Variants in AOPEP observed in about 807,000 individuals in gnomAD.
AOPEP encodes aminopeptidase O (putative).
A neutral mutation model predicts 98.1 loss-of-function variants in AOPEP; 77 were observed. The ratio of observed to expected loss-of-function variants is 0.78; its 90% CI spans 0.65 to 0.95. The LOEUF is 0.95. Ranked by LOEUF, AOPEP falls within the 40% of genes least tolerant of loss-of-function variation. The probability of loss-of-function intolerance (pLI) is 0.00; values close to 1 mark genes in which losing one functional copy is unlikely to be tolerated. For missense variants in AOPEP, 1,024 were observed against 1,024.7 expected, an observed-to-expected ratio of 1.00 and a Z score of 0.01; for synonymous variants, 346 against 365.3, an observed-to-expected ratio of 0.95 and a Z score of 0.60.
At chr9:95,098,191 T>A in the AOPEP span, among the ~76,000 whole-genome samples, 1 of 152,114 alleles carries the variant, frequency 6.6e-6, no homozygotes, top group African/African-American at 2.4e-5. Context: ...CCAGGCTCGG[T>A]TTTGACTTCC....
Position 94,760,501 on chromosome 9 carries a change from T to G in AOPEP, c.718T>G (p.Phe240Val), listed in dbSNP as rs1350847805. 6.2e-7 allele frequency: 1 copy of G among 1,609,120 alleles called. No homozygotes were observed. The highest frequency in any genetic ancestry group is 1.1e-5 in the South Asian group (1 of 90,146). ...RKTGAQTATDFPHAIRIWYKT... is the reference protein window; with the variant it reads ...RKTGAQTATDVPHAIRIWYKT... ...GACAGGGGCTCAGACAGCTACTGAC[T>G]TTCCTCATGCTATCAGGATATGGTA... The change falls in exon 2 of 17, where the codon TTT becomes GTT. Residue 240 changes from phenylalanine to valine, a missense_variant. Phe to Val is a conservative substitution (Grantham distance 50). This residue lies in a region of AOPEP where 440 missense variants were observed against 433.8 expected (regional missense o/e 1.01). Transcript: ENST00000375315.
intron 1 of AOPEP, among the ~76,000 whole-genome samples, chr9:94,758,917 C>T (rs950297363): frequency 9.5e-5 from 12 of 126,770 alleles, no homozygotes; most frequent in Non-Finnish European, 1.4e-4. Context: ...TAGGTATTTG[C>T]CTGCCTTTTT....
the AOPEP span, chr9:95,145,367 CTTCA>C: frequency 6.6e-6 from 1 of 152,184 alleles, no homozygotes; most frequent in African/African-American, 2.4e-5. Context: ...ACAACACTCC[CTTCA>C]GATCACAAAA....
chr9:94,901,495 TG>T (rs2050398499), intron 5 of AOPEP, among the ~76,000 whole-genome samples: 1 of 152,048 alleles, frequency 6.6e-6, no homozygotes, highest in Non-Finnish European at 1.5e-5. Context: ...CTCTCCTGAT[TG>T]TCGGATTAAC....
rs537903872 is a variant in AOPEP, at chr9:94,768,763, A to G, written c.798-4239A>G. Reference sequence around the variant, plus strand: ...ATCTGGGCTCCCCAAGGAGTCTTCCATACAATTGGGTATTCCAGGGCATGT... The same window carrying G: ...ATCTGGGCTCCCCAAGGAGTCTTCCGTACAATTGGGTATTCCAGGGCATGT... On this transcript the variant is annotated intron_variant, in intron 2 of 16. Transcript: ENST00000375315. Among the ~76,000 whole-genome samples the G allele has an allele frequency of 7.9e-5, 12 of 152,300 alleles. No individual in the cohort carries two copies. In the East Asian group the frequency reaches 1.5e-3, roughly 20 times the overall value.
intron 3 of AOPEP, among the ~76,000 whole-genome samples, chr9:94,792,012 T>C (rs1277164424): frequency 6.6e-6 from 1 of 152,230 alleles, no homozygotes; most frequent in Non-Finnish European, 1.5e-5. Context: ...CATTCATTCC[T>C]TTGATAAAAA....
At chr9:94,974,159 T>G (rs2059697818) in intron 10 of AOPEP, among the ~76,000 whole-genome samples, 3 of 152,254 alleles carry the variant, frequency 2.0e-5, no homozygotes, top group Admixed American at 1.3e-4. Context: ...TGTCCTATGG[T>G]GTCCCATGAT....
intron 4 of AOPEP, among the ~76,000 whole-genome samples, chr9:94,798,294 A>G (rs367592720): frequency 2.0e-4 from 31 of 152,174 alleles, no homozygotes; most frequent in Admixed American, 1.7e-3. Context: ...TTTGATTACA[A>G]TGGTACTAAT....
chr9:95,124,932 T>C, the AOPEP span, among the ~76,000 whole-genome samples: 2 of 152,238 alleles, frequency 1.3e-5, no homozygotes, highest in Non-Finnish European at 2.9e-5. Flanking sequence ...TAAGTTAAAA[T>C]GGCTTAACCT....
intron 5 of AOPEP, among the ~76,000 whole-genome samples, chr9:94,894,002 T>G (rs1367741066): frequency 6.6e-6 from 1 of 152,136 alleles, no homozygotes; most frequent in East Asian, 1.9e-4. Context: ...GAAGAACAAT[T>G]TATCCCTCTT....
chr9:94,745,050 A>G (rs1834147340), intron 1 of AOPEP, among the ~76,000 whole-genome samples: 1 of 152,170 alleles, frequency 6.6e-6, no homozygotes, highest in Admixed American at 6.5e-5. Context: ...CATCACCTCA[A>G]GCATTGATTA....
At chr9:94,966,647 C>T (rs1464698607) in intron 9 of AOPEP, among the ~76,000 whole-genome samples, 1 of 152,096 alleles carries the variant, frequency 6.6e-6, no homozygotes, top group African/African-American at 2.4e-5. Context: ...CTTATTAAAT[C>T]TTCAGATGAG....
intron 5 of AOPEP, among the ~76,000 whole-genome samples, chr9:94,895,234 T>TAA (rs1188345681): frequency 0.11 from 3,890 of 36,330 alleles, 64 homozygotes; most frequent in Non-Finnish European, 0.21. Context: ...AAAAATAAAA[T>TAA]AAAATAAAAA....
At chr9:94,954,763 A>G (rs1300255767) in intron 7 of AOPEP, among the ~76,000 whole-genome samples, 8 of 152,342 alleles carry the variant, frequency 5.3e-5, no homozygotes, top group Non-Finnish European at 1.0e-4. Flanking sequence ...ACTAAGTGCA[A>G]ATCCAGAGAA....
chr9:94,798,628 G>A (rs1847553679), intron 4 of AOPEP, among the ~76,000 whole-genome samples: 1 of 152,078 alleles, frequency 6.6e-6, no homozygotes, highest in African/African-American at 2.4e-5. Context: ...TTAAGCTTAT[G>A]CCTCAGCTTT....
intron 5 of AOPEP, among the ~76,000 whole-genome samples, chr9:94,805,843 G>A (rs1194220458): frequency 6.6e-6 from 1 of 152,148 alleles, no homozygotes; most frequent in African/African-American, 2.4e-5. Context: ...TTATCTCCCA[G>A]CCAATGTGTA....
At chr9:94,915,039 C>T (rs2052606834) in intron 5 of AOPEP, among the ~76,000 whole-genome samples, 1 of 152,196 alleles carries the variant, frequency 6.6e-6, no homozygotes, top group African/African-American at 2.4e-5. Flanking sequence ...TGGTGTTGAT[C>T]AAGCAAAACA....
chr9:95,104,150 G>T, the AOPEP span, among the ~76,000 whole-genome samples: 1 of 152,238 alleles, frequency 6.6e-6, no homozygotes, highest in Non-Finnish European at 1.5e-5. Context: ...GGCCAGGAGA[G>T]GCAGGGGTGG....
the AOPEP span, among the ~76,000 whole-genome samples, chr9:95,145,847 C>T: frequency 6.6e-6 from 1 of 151,926 alleles, no homozygotes; most frequent in Non-Finnish European, 1.5e-5. Context: ...CACCGGAGAA[C>T]GGGGAAAACA....
Sources: allele counts gnomAD v4.1 joint callset (sites outside exome capture counted in the v4.1 genomes callset), GRCh38; gene constraint gnomAD v4.1.1; regional missense constraint gnomAD v4.1.1; transcripts MANE v1.5; gene names NCBI Gene and HGNC (gene_info 2026-07-23, HGNC 2026-07-21).